THEMIS: variants seen among roughly 807,000 people sequenced by gnomAD.
The protein encoded by THEMIS is protein THEMIS.
A neutral mutation model predicts 52.6 loss-of-function variants in THEMIS; 37 were observed. The ratio of observed to expected loss-of-function variants is 0.70; its 90% confidence interval spans 0.54 to 0.93. The LOEUF (loss-of-function observed/expected upper bound fraction) is 0.93. THEMIS is among the 40% of genes least tolerant of loss of function. The probability of loss-of-function intolerance (pLI) is 0.00; values close to 1 mark genes in which losing one functional copy is unlikely to be tolerated. For missense variants in THEMIS, 808 were observed against 763.1 expected (o/e 1.06, Z -0.69); for synonymous variants, 292 against 272.7 (o/e 1.07, Z -0.70).
At chr6:127,741,127 C>T (rs11751398) in intron 4 of THEMIS, among the ~76,000 whole-genome samples, 9,125 of 152,208 alleles carry the variant, frequency 0.06, 351 homozygotes, top group African/African-American at 0.098. Flanking sequence ...TACTATTTCT[C>T]AGCAAATATG....
At chr6:127,864,370 G>C (rs78079949) in intron 1 of THEMIS, among the ~76,000 whole-genome samples, 2,856 of 152,126 alleles carry the variant, frequency 0.019, 99 homozygotes, top group African/African-American at 0.066. Context: ...TGATTTACAA[G>C]AGCTGTTTCT....
At chr6:127,840,894 A>C (rs1583338222) in intron 2 of THEMIS, among the ~76,000 whole-genome samples, 1 of 152,200 alleles carries the variant, frequency 6.6e-6, no homozygotes, top group East Asian at 1.9e-4. Flanking sequence ...GCTCTGAAAA[A>C]GGCAAAATAT....
At chr6:127,703,035 G>GTTT in the THEMIS span, among the ~76,000 whole-genome samples, 503 of 82,364 alleles carry the variant, frequency 6.1e-3, 132 homozygotes, top group African/African-American at 0.021. Flanking sequence ...TTTAGAATGA[G>GTTT]TTTTTTTTTT....
intron 4 of THEMIS, among the ~76,000 whole-genome samples, chr6:127,765,569 C>T (rs1339059364): frequency 2.0e-5 from 3 of 152,034 alleles, no homozygotes; most frequent in African/African-American, 7.2e-5. Context: ...TTGAACTGAT[C>T]GGGTATACAG....
Position 127,708,868 on chromosome 6 carries a change from T to C in THEMIS, c.*1117A>G, listed in dbSNP as rs1012856855. On this transcript the variant is annotated 3_prime_UTR_variant, in exon 6 of 6. Coordinates refer to ENST00000368248, the MANE Select transcript of THEMIS (RefSeq NM_001010923.3). ...CACTTTGGTACAAAATCAACAAATT[T>C]CTCCACAAAACATAAAATAATTATG... is the stretch of plus-strand genomic sequence containing the variant. The C allele has an allele frequency of 9.9e-5, 15 of 152,012 alleles. No individual in the cohort carries two copies. Among genetic ancestry groups the C allele is most frequent in the African/African-American group, 3.6e-4 (15 of 41,412 alleles). 9.4% of individuals were successfully genotyped at this position (152,012 alleles called of 1,614,324 possible).
intron 4 of THEMIS, among the ~76,000 whole-genome samples, chr6:127,736,003 G>A (rs533422756): frequency 1.3e-5 from 2 of 152,268 alleles, no homozygotes; most frequent in East Asian, 3.9e-4. Context: ...GGATTTGCTG[G>A]TGGGCACTAA....
In THEMIS at chr6:127,778,641, A is replaced by G. The variant is rs537897037; in HGVS notation, c.1758+34242T>C. Among the ~76,000 whole-genome samples the G allele has an allele frequency of 1.4e-4, 22 of 152,218 alleles. 1 individual carries two copies. In the East Asian group the frequency reaches 3.7e-3, roughly 25 times the overall value. ...CATCCTAAGGTATACCACGACAGTGATCTGATCTTTTTTGTCATATATAAG... is the reference window on the plus strand; with the variant it reads ...CATCCTAAGGTATACCACGACAGTGGTCTGATCTTTTTTGTCATATATAAG... On this transcript the variant is annotated intron_variant, in intron 4 of 5. Transcript: ENST00000368248.
intron 1 of THEMIS, among the ~76,000 whole-genome samples, chr6:127,875,469 T>C (rs757756098): frequency 6.6e-6 from 1 of 152,174 alleles, no homozygotes; most frequent in East Asian, 1.9e-4. Context: ...TTTGTTGATA[T>C]TGGAAATGTG....
chr6:127,714,168 C>A (rs566211591), intron 5 of THEMIS, among the ~76,000 whole-genome samples: 1 of 151,836 alleles, frequency 6.6e-6, no homozygotes, highest in Non-Finnish European at 1.5e-5. Context: ...ATCCATAGAA[C>A]CCCTACAGCA....
chr6:127,825,810 G>A (rs1351620097), intron 3 of THEMIS, among the ~76,000 whole-genome samples: 1 of 152,130 alleles, frequency 6.6e-6, no homozygotes, highest in African/African-American at 2.4e-5. Flanking sequence ...AAATTACACT[G>A]AGTGGCCTTT....
downstream of THEMIS, among the ~76,000 whole-genome samples, chr6:127,704,182 TTCC>T: frequency 6.6e-6 from 1 of 152,324 alleles, no homozygotes; most frequent in East Asian, 1.9e-4. Flanking sequence ...TTACACCTCT[TTCC>T]ACTAAGACAG....
chr6:127,763,548 T>C (rs1264441001), intron 4 of THEMIS, among the ~76,000 whole-genome samples: 1 of 152,000 alleles, frequency 6.6e-6, no homozygotes, highest in Non-Finnish European at 1.5e-5. Context: ...CTAGCTTTTC[T>C]ACTCTCCTTA....
At chr6:127,701,113 T>G in the THEMIS span, among the ~76,000 whole-genome samples, 3 of 152,126 alleles carry the variant, frequency 2.0e-5, no homozygotes, top group Non-Finnish European at 4.4e-5. Context: ...GATTAATATA[T>G]GGAACATTCT....
At chr6:127,841,165 C>T (rs1779035913) in intron 2 of THEMIS, among the ~76,000 whole-genome samples, 1 of 151,930 alleles carries the variant, frequency 6.6e-6, no homozygotes, top group Admixed American at 6.6e-5. Flanking sequence ...TAGTGTTGTA[C>T]ATTGATGGTG....
chr6:127,897,082 C>T (rs2114491660), intron 1 of THEMIS, among the ~76,000 whole-genome samples: 1 of 151,528 alleles, frequency 6.6e-6, no homozygotes, highest in East Asian at 1.9e-4. Context: ...CAATAAATGT[C>T]ACTGCACCAA....
intron 1 of THEMIS, among the ~76,000 whole-genome samples, chr6:127,906,561 T>C (rs1781273672): frequency 6.6e-6 from 1 of 151,892 alleles, no homozygotes. Context: ...CAAAGATTTA[T>C]TTATACCATC....
chr6:127,808,772 CTTTTTAGGTATTGCTAAA>C (rs1440921254), intron 4 of THEMIS, among the ~76,000 whole-genome samples: 5 of 151,370 alleles, frequency 3.3e-5, no homozygotes, highest in South Asian at 4.2e-4. Flanking sequence ...ATTTTTTTTT[CTTTTTAGGTATTGCTAAA>C]GCTGGAGAAC....
In THEMIS at chr6:127,808,657, A is replaced by T. The variant is rs1009012119; in HGVS notation, c.1758+4226T>A. ...ACAACTATAATATTATTTCACATAA[A>T]ATCTCATAGGTCTTGAAGTAGGCTA... On this transcript the variant is annotated intron_variant, in intron 4 of 5. Coordinates refer to ENST00000368248, the MANE Select transcript of THEMIS (RefSeq NM_001010923.3). Among the ~76,000 whole-genome samples the T allele has an allele frequency of 2.0e-5, 3 of 152,190 alleles. No individual in the cohort carries two copies. In the East Asian group the frequency reaches 5.8e-4, roughly 29 times the overall value.
At chr6:127,783,808 C>G (rs2114491514) in intron 4 of THEMIS, among the ~76,000 whole-genome samples, 1 of 152,296 alleles carries the variant, frequency 6.6e-6, no homozygotes, top group Middle Eastern at 3.4e-3. Flanking sequence ...TTAGTTCAAC[C>G]ATTGTGGAAG....
Sources: allele counts gnomAD v4.1 joint callset (sites outside exome capture counted in the v4.1 genomes callset), GRCh38; gene constraint gnomAD v4.1.1; transcripts MANE v1.5; gene names NCBI Gene and HGNC (gene_info 2026-07-23, HGNC 2026-07-21).